OR1J2: variants seen among roughly 807,000 people sequenced by gnomAD.
OR1J2 encodes olfactory receptor 1J2.
For missense variants in OR1J2, 304 were observed against 246.1 expected, an observed-to-expected ratio of 1.24 and a Z score of -1.57; for synonymous variants, 142 against 99.7, an observed-to-expected ratio of 1.42 and a Z score of -2.52.
the OR1J2 span, among the ~76,000 whole-genome samples, chr9:122,448,209 G>A: frequency 1.3e-5 from 2 of 152,148 alleles, no homozygotes; most frequent in Admixed American, 6.6e-5. Flanking sequence ...AGGAATCTGT[G>A]TCACAAATAA....
the OR1J2 span, among the ~76,000 whole-genome samples, chr9:122,502,755 A>G: frequency 6.6e-6 from 1 of 152,026 alleles, no homozygotes; most frequent in Non-Finnish European, 1.5e-5. Flanking sequence ...GCTTAGTGGA[A>G]TCTTTACTGT....
the OR1J2 span, among the ~76,000 whole-genome samples, chr9:122,530,271 A>G: frequency 6.6e-6 from 1 of 152,282 alleles, no homozygotes; most frequent in Admixed American, 6.5e-5. Context: ...GACACATTGC[A>G]CTGTGATCCC....
At chr9:122,574,082 C>T in the OR1J2 span, among the ~76,000 whole-genome samples, 37 of 152,100 alleles carry the variant, frequency 2.4e-4, no homozygotes, top group Admixed American at 1.9e-3. Context: ...ATCTATTTGC[C>T]TATTCTTTTG....
At chr9:122,527,424 T>C in the OR1J2 span, 1 of 613,274 alleles carries the variant, frequency 1.6e-6, no homozygotes, top group Non-Finnish European at 2.9e-6. Context: ...TTCATTCTGA[T>C]CCTGCTTCTT....
the OR1J2 span, among the ~76,000 whole-genome samples, chr9:122,452,071 G>C: frequency 1.7e-4 from 26 of 152,174 alleles, no homozygotes; most frequent in Non-Finnish European, 2.8e-4. Flanking sequence ...GTAGAGACAG[G>C]GTTTCACCGT....
At chr9:122,521,034 C>A in the OR1J2 span, among the ~76,000 whole-genome samples, 2 of 152,232 alleles carry the variant, frequency 1.3e-5, no homozygotes, top group Non-Finnish European at 2.9e-5. Context: ...TTTGTAATCT[C>A]TATATACCAG....
chr9:122,515,446 T>TGTGTGTGTGTGTGTGTGTGTGTGTG (rs1828688425), downstream of OR1J2, among the ~76,000 whole-genome samples: 1 of 150,600 alleles, frequency 6.6e-6, no homozygotes, highest in African/African-American at 2.4e-5. Context: ...TTATTCCCAG[T>TGTGTGTGTGTGTGTGTGTGTGTGTG]TCCTAAAGAC....
the OR1J2 span, among the ~76,000 whole-genome samples, chr9:122,578,918 C>T: frequency 1.3e-5 from 2 of 151,964 alleles, no homozygotes; most frequent in Non-Finnish European, 2.9e-5. Flanking sequence ...TGTAACCAAA[C>T]ACCACCTGTT....
the OR1J2 span, among the ~76,000 whole-genome samples, chr9:122,523,835 A>T: frequency 6.6e-6 from 1 of 152,210 alleles, no homozygotes; most frequent in Non-Finnish European, 1.5e-5. Context: ...ACCCCTAAAT[A>T]GGCAAGGGGC....
At chr9:122,493,191 TG>T in the OR1J2 span, among the ~76,000 whole-genome samples, 1 of 152,152 alleles carries the variant, frequency 6.6e-6, no homozygotes, top group Admixed American at 6.5e-5. Context: ...TCCCTGGTTT[TG>T]GTATTAGGGT....
the OR1J2 span, chr9:122,553,107 C>A: frequency 8.3e-7 from 1 of 1,205,130 alleles, no homozygotes. Context: ...CTTTTTCTCC[C>A]AGCACAGTTC....
the OR1J2 span, among the ~76,000 whole-genome samples, chr9:122,538,604 A>C: frequency 3.3e-5 from 5 of 152,106 alleles, no homozygotes; most frequent in Non-Finnish European, 7.4e-5. Flanking sequence ...CTTCCTTTCC[A>C]ATTTGGATAC....
chr9:122,490,547 G>A, the OR1J2 span, among the ~76,000 whole-genome samples: 1 of 152,064 alleles, frequency 6.6e-6, no homozygotes, highest in Admixed American at 6.6e-5. Context: ...TTACAAGTAA[G>A]CAGAAACTCA....
downstream of OR1J2, among the ~76,000 whole-genome samples, chr9:122,514,255 G>A (rs755448438): frequency 2.8e-4 from 42 of 152,272 alleles, no homozygotes; most frequent in Admixed American, 2.1e-3. Flanking sequence ...CAGATAGTGA[G>A]CGTAGTACCC....
At chr9:122,542,036 T>C in the OR1J2 span, among the ~76,000 whole-genome samples, 1 of 152,218 alleles carries the variant, frequency 6.6e-6, no homozygotes, top group Admixed American at 6.5e-5. Context: ...CATATCACTA[T>C]AAGATTAGTT....
At chr9:122,465,123 GA>G in the OR1J2 span, among the ~76,000 whole-genome samples, 8 of 151,830 alleles carry the variant, frequency 5.3e-5, no homozygotes, top group African/African-American at 1.9e-4. Context: ...AGTATCCGAA[GA>G]AAAAAAATCT....
At chr9:122,559,449 C>T in the OR1J2 span, among the ~76,000 whole-genome samples, 7 of 152,080 alleles carry the variant, frequency 4.6e-5, no homozygotes, top group Non-Finnish European at 7.4e-5. Context: ...CCTGCTTTCT[C>T]TTGTGGGCAT....
chr9:122,506,593 G>A (rs111727858), upstream of OR1J2, among the ~76,000 whole-genome samples: 1 of 152,144 alleles, frequency 6.6e-6, no homozygotes, highest in Admixed American at 6.5e-5. Context: ...GATCATAAAT[G>A]CAGGGAAGGT....
chr9:122,455,821 A>G, the OR1J2 span, among the ~76,000 whole-genome samples: 1 of 152,088 alleles, frequency 6.6e-6, no homozygotes, highest in African/African-American at 2.4e-5. Flanking sequence ...TAAAAATTTT[A>G]TACTTTTAGC....
Sources: gnomAD v4.1 joint callset for allele counts (sites outside exome capture counted in the v4.1 genomes callset) on GRCh38, gnomAD v4.1.1 for gene constraint, MANE v1.5 for transcripts, NCBI Gene and HGNC (gene_info 2026-07-23, HGNC 2026-07-21) for gene names.